Variants in IL27 observed in about 807,000 individuals in gnomAD.
The protein encoded by IL27 is interleukin 27, also known as interleukin-27 subunit alpha.
Under a neutral mutation model 27.0 loss-of-function variants are expected in IL27, and 11 were observed. That is an observed-to-expected ratio of 0.41 (90% confidence interval 0.26 to 0.67). IL27 has a LOEUF of 0.67. Ranked by LOEUF, IL27 falls within the 30% of genes least tolerant of loss-of-function variation. The pLI, the probability that IL27 is intolerant of heterozygous loss-of-function variation, is 0.34. For synonymous variants in IL27, 134 were observed against 140.6 expected, an observed-to-expected ratio of 0.95 and a Z score of 0.33; for missense variants, 299 against 310.4, an observed-to-expected ratio of 0.96 and a Z score of 0.28.
chr16:28,501,167 C>T (rs531279285), intron 4 of IL27, among the ~76,000 whole-genome samples: 3 of 151,408 alleles, frequency 2.0e-5, no homozygotes, highest in Admixed American at 1.3e-4. Flanking sequence ...CCAGCCTGGG[C>T]GACAGAGTGA....
In IL27 at chr16:28,503,793, C is replaced by G; in HGVS notation, c.205G>C (p.Ala69Pro). The G allele has an allele frequency of 6.2e-7, 1 of 1,613,026 alleles. No homozygotes were observed. Residue 69 changes from alanine to proline, a missense_variant and splice_region_variant, in exon 3 of 5, where the codon GCG becomes CCG. Transcript: ENST00000356897. Reference protein sequence around the residue: ...SEVRGQAHRFAESHLPGVNLY... With the variant: ...SEVRGQAHRFPESHLPGVNLY... Reference sequence around the variant, plus strand: ...TTCACTCCTGGCAGGTGAGATTCCGCCTGGGGGGCAAGGTCTGTTAGTGGG... The same window carrying G: ...TTCACTCCTGGCAGGTGAGATTCCGGCTGGGGGGCAAGGTCTGTTAGTGGG...
At chr16:28,502,879 G>T (rs1292782691) in intron 3 of IL27, among the ~76,000 whole-genome samples, 2 of 152,162 alleles carry the variant, frequency 1.3e-5, no homozygotes, top group African/African-American at 4.8e-5. Context: ...CTGGAGTGCA[G>T]TGGCGCGATC....
chr16:28,502,218 T>G, intron 3 of IL27, 84 bp from the exon 4 acceptor site: 6 of 1,304,490 alleles, frequency 4.6e-6, no homozygotes, highest in African/African-American at 1.5e-5. Flanking sequence ...CCGGGTCTCC[T>G]TCCCATTCCA....
At chr16:28,505,215 C>T (rs950008246) in intron 1 of IL27, among the ~76,000 whole-genome samples, 1 of 152,246 alleles carries the variant, frequency 6.6e-6, no homozygotes, top group Non-Finnish European at 1.5e-5. Context: ...ATGAGGTCCC[C>T]AGGGATGGGC....
intron 4 of IL27, 148 bp downstream of exon 4, chr16:28,501,828 C>CT: frequency 1.0e-6 from 1 of 958,918 alleles, no homozygotes; most frequent in Non-Finnish European, 1.6e-6. Context: ...CACAGTCACT[C>CT]TCACACTCAT....
rs774021761 is a variant in IL27 at position 28,503,883 on chromosome 16, G to A, written c.199C>T (p.Arg67Cys). 5.6e-6 allele frequency: 9 copies of A among 1,614,048 alleles called. No homozygotes were observed. The highest frequency in any genetic ancestry group is 2.7e-5 in the African/African-American group (2 of 74,950). ...GCTGCATTAGGGGGACTTACAAAGC[G>A]GTGGGCCTGGCCCCGAACCTCGGAG... is the stretch of plus-strand genomic sequence containing the variant. ...LLSEVRGQAH[R>C]FAESHLPGVN... Residue 67 changes from arginine (R) to cysteine (C), a missense_variant, in exon 2 of 5, where the codon CGC (arginine) becomes TGC (cysteine). Coordinates refer to ENST00000356897, the MANE Select transcript of IL27 (RefSeq NM_145659.3).
At chr16:28,506,735 T>C (rs770749281) in intron 1 of IL27, 46 bp downstream of exon 1, 1 of 1,599,360 alleles carries the variant, frequency 6.3e-7, no homozygotes, top group Admixed American at 1.7e-5. Context: ...TCGTCCATTC[T>C]CTGCCCAAAC....
intron 4 of IL27, among the ~76,000 whole-genome samples, chr16:28,501,515 C>A (rs1053596175): frequency 4.6e-5 from 7 of 150,924 alleles, no homozygotes; most frequent in South Asian, 2.1e-4. Context: ...CACACTCACA[C>A]ACGGACGCAC....
chr16:28,502,077 C>G lies in IL27; in HGVS notation c.361G>C (p.Gly121Arg). The G allele has an allele frequency of 9.9e-6, 16 of 1,613,684 alleles. No individual in the cohort carries two copies. The highest frequency in any genetic ancestry group is 1.1e-5 in the Non-Finnish European group (13 of 1,179,850). Reference protein sequence around the residue: ...TTLQPFHALLGGLGTQGRWTN... With the variant: ...TTLQPFHALLRGLGTQGRWTN... ...CAGCGGCCCTGGGTCCCCAGCCCTCCCAGCAGGGCATGGAAGGGCTGAAGC... is the reference window on the plus strand; with the variant it reads ...CAGCGGCCCTGGGTCCCCAGCCCTCGCAGCAGGGCATGGAAGGGCTGAAGC... Residue 121 changes from glycine (G) to arginine (R), a missense_variant, in exon 4 of 5, where the codon GGA (glycine) becomes CGA (arginine). Physicochemically the swap from Gly to Arg is moderately radical, Grantham distance 125. Coordinates refer to ENST00000356897, the MANE Select transcript of IL27 (RefSeq NM_145659.3).
At position 28,506,763 on chromosome 16, in the gene IL27, C is replaced by G; in HGVS notation, c.31+18G>C. 1 of 1,610,610 alleles carries G rather than the reference C, an allele frequency of 6.2e-7. No individual in the cohort carries two copies. Among genetic ancestry groups the G allele is most frequent in the African/African-American group, 1.3e-5 (1 of 74,860 alleles). ...GCCCAAACTCAACCAAGCCCCCCAC[C>G]CCTGGCTTCAAACTCACGCCAGCCA... is the stretch of plus-strand genomic sequence containing the variant. On this transcript the variant is annotated intron_variant, in intron 1 of 4. Transcript: ENST00000356897.
chr16:28,505,055 C>T (rs2046453893), intron 1 of IL27, among the ~76,000 whole-genome samples: 2 of 152,256 alleles, frequency 1.3e-5, no homozygotes, highest in Non-Finnish European at 2.9e-5. Flanking sequence ...GAAGCCAGGA[C>T]TGGATTCCAG....
intron 1 of IL27, among the ~76,000 whole-genome samples, chr16:28,505,200 T>G (rs2046454472): frequency 2.0e-5 from 3 of 152,246 alleles, no homozygotes; most frequent in Admixed American, 1.3e-4. Context: ...TGGCTTGAAC[T>G]GGCCATGAGG....
At chr16:28,500,942 G>A (rs1045602391) in intron 4 of IL27, among the ~76,000 whole-genome samples, 7 of 152,246 alleles carry the variant, frequency 4.6e-5, no homozygotes, top group African/African-American at 1.7e-4. Flanking sequence ...GCTCACGCCT[G>A]TAATCCCAGC....
chr16:28,503,882 C>A lies in IL27; in HGVS notation c.200G>T (p.Arg67Leu). 6.2e-7 allele frequency: 1 copy of A among 1,614,128 alleles called. No homozygotes were observed. Among genetic ancestry groups the A allele is most frequent in the Non-Finnish European group, 8.5e-7 (1 of 1,180,006 alleles). ...AGCTGCATTAGGGGGACTTACAAAGCGGTGGGCCTGGCCCCGAACCTCGGA... is the reference window on the plus strand; with the variant it reads ...AGCTGCATTAGGGGGACTTACAAAGAGGTGGGCCTGGCCCCGAACCTCGGA... The part of the protein sequence containing the change: ...LLSEVRGQAH[R>L]FAESHLPGVN... The change falls in exon 2 of 5, where the codon CGC becomes CTC. Residue 67 changes from arginine (R) to leucine (L), a missense_variant. By Grantham distance (102) the Arg-to-Leu change is moderately radical. Transcript: ENST00000356897.
At position 28,502,082 on chromosome 16, in the gene IL27, A is replaced by G. The variant is rs181206; in HGVS notation, c.356T>C (p.Leu119Pro). 489,194 of 1,612,884 alleles carry G rather than the reference A, an allele frequency of 0.3. 79,847 individuals carry two copies. The highest frequency in any genetic ancestry group is 0.34 in the Admixed American group (20,436 of 59,860). The change falls in exon 4 of 5, where the codon CTG becomes CCG. Residue 119 changes from leucine to proline, a missense_variant. Transcript: ENST00000356897. ...GCCCTGGGTCCCCAGCCCTCCCAGC[A>G]GGGCATGGAAGGGCTGAAGCGTGGT... ...ISTTLQPFHA[L>P]LGGLGTQGRW...
chr16:28,506,443 A>C (rs894258505), intron 1 of IL27, among the ~76,000 whole-genome samples: 1 of 152,088 alleles, frequency 6.6e-6, no homozygotes, highest in African/African-American at 2.4e-5. Context: ...CCCCATTCTC[A>C]GTCTTAGCCA....
chr16:28,501,640 C>T (rs565179848), intron 4 of IL27, among the ~76,000 whole-genome samples: 1 of 151,708 alleles, frequency 6.6e-6, no homozygotes, highest in Non-Finnish European at 1.5e-5. Flanking sequence ...CACTCTCACA[C>T]TCACGGACCC....
At position 28,505,685 on chromosome 16, in the gene IL27, C is replaced by T. The variant is rs961769183; in HGVS notation, c.31+1096G>A. Reference sequence around the variant, plus strand: ...CCTGGAAAGAGGGGCAGCGGATGGGCGCTCTAGGAAGAGGGCAGCATTCAT... The same window carrying T: ...CCTGGAAAGAGGGGCAGCGGATGGGTGCTCTAGGAAGAGGGCAGCATTCAT... On this transcript the variant is annotated intron_variant, in intron 1 of 4. Transcript: ENST00000356897. 2.0e-5 allele frequency among the ~76,000 whole-genome samples: 3 copies of T among 152,058 alleles called. No homozygotes were observed. The East Asian group carries it at 5.8e-4, about 29-fold the overall frequency.
intron 4 of IL27, among the ~76,000 whole-genome samples, chr16:28,501,708 C>G (rs111209379): frequency 0.01 from 1,502 of 149,682 alleles, 27 homozygotes; most frequent in African/African-American, 0.036. Context: ...CTCACAGTCA[C>G]TCCCACACAC....
Sources: allele counts gnomAD v4.1 joint callset (sites outside exome capture counted in the v4.1 genomes callset), GRCh38; gene constraint gnomAD v4.1.1; transcripts MANE v1.5; gene names NCBI Gene and HGNC (gene_info 2026-07-23, HGNC 2026-07-21).